The following CDH12 variants were observed in gnomAD, a reference collection of about 807,000 sequenced individuals.
The protein encoded by CDH12 is cadherin-12.
A neutral mutation model predicts 74.1 loss-of-function variants in CDH12; 41 were observed. The observed-to-expected ratio is 0.55, with a 90% CI of 0.43 to 0.72. The LOEUF is 0.72. Among genes scored for constraint, CDH12 ranks in the 30% least tolerant of loss-of-function variants. The pLI is 0.00. For missense variants in CDH12, 945 were observed against 977.2 expected, an observed-to-expected ratio of 0.97 and a Z score of 0.44; for synonymous variants, 399 against 355.0, an observed-to-expected ratio of 1.12 and a Z score of -1.39.
chr5:22,595,107 G>T (rs1736538552), intron 1 of CDH12, among the ~76,000 whole-genome samples: 2 of 151,958 alleles, frequency 1.3e-5, no homozygotes, highest in South Asian at 4.2e-4. Context: ...TACAAAAAAA[G>T]ACATAAAATG....
Position 21,751,540 on chromosome 5 carries a change from C to A in CDH12, c.*197G>T. On this transcript the variant is annotated 3_prime_UTR_variant, in exon 15 of 15. Transcript: ENST00000382254. ...ATGTATCTCTTGTTGGCAGAATAAA[C>A]CAAAACTGACAATATGATTAATTTA... The A allele has an allele frequency of 1.7e-6, 1 of 572,414 alleles. No individual in the cohort carries two copies. Among genetic ancestry groups the A allele is most frequent in the Non-Finnish European group, 3.1e-6 (1 of 326,554 alleles). 35.5% of individuals were successfully genotyped at this position (572,414 alleles called of 1,614,324 possible). A position where few individuals can be genotyped will look rare whatever the true frequency, so the allele number is the denominator to read the frequency against.
chr5:22,659,645 T>G (rs1370998190), intron 1 of CDH12, among the ~76,000 whole-genome samples: 1 of 152,100 alleles, frequency 6.6e-6, no homozygotes. Flanking sequence ...TGCTAACATT[T>G]GAGTGCAATT....
intron 4 of CDH12, among the ~76,000 whole-genome samples, chr5:22,130,368 G>A (rs1462293050): frequency 4.6e-5 from 7 of 152,082 alleles, no homozygotes; most frequent in Non-Finnish European, 8.8e-5. Flanking sequence ...TTTCAGTAAG[G>A]GGGTGATGGA....
chr5:22,254,671 TA>T (rs1200449759), intron 3 of CDH12, among the ~76,000 whole-genome samples: 2 of 151,542 alleles, frequency 1.3e-5, no homozygotes, highest in Non-Finnish European at 3.0e-5. Flanking sequence ...AAATAAAAGT[TA>T]AAAAAAATCA....
At chr5:22,215,358 A>G (rs563759528) in intron 3 of CDH12, among the ~76,000 whole-genome samples, 1 of 152,270 alleles carries the variant, frequency 6.6e-6, no homozygotes, top group East Asian at 1.9e-4. Flanking sequence ...TCATTTTCAC[A>G]TCTTTAAAAA....
chr5:22,554,511 TG>T (rs1738713834), intron 1 of CDH12, among the ~76,000 whole-genome samples: 1 of 152,146 alleles, frequency 6.6e-6, no homozygotes. Context: ...AAAGAGAATA[TG>T]ACAAATATTC....
intron 1 of CDH12, among the ~76,000 whole-genome samples, chr5:22,562,905 T>C (rs1222097053): frequency 6.7e-6 from 1 of 148,184 alleles, no homozygotes; most frequent in Non-Finnish European, 1.5e-5. Context: ...AATATAGAAA[T>C]ATATGCACAT....
At chr5:22,487,998 G>A (rs1746681510) in intron 2 of CDH12, among the ~76,000 whole-genome samples, 2 of 152,104 alleles carry the variant, frequency 1.3e-5, no homozygotes, top group Non-Finnish European at 2.9e-5. Context: ...TTGATACCAC[G>A]TCCATCACAG....
At chr5:22,715,799 TA>T (rs112471843) in intron 1 of CDH12, among the ~76,000 whole-genome samples, 1,305 of 120,930 alleles carry the variant, frequency 0.011, 12 homozygotes, top group Non-Finnish European at 0.016. Flanking sequence ...AGATCCCATC[TA>T]AAAAAAAAAA....
chr5:22,309,784 G>T (rs919348682), intron 3 of CDH12, among the ~76,000 whole-genome samples: 4 of 151,828 alleles, frequency 2.6e-5, no homozygotes, highest in African/African-American at 9.7e-5. Flanking sequence ...GTTTCCTGAG[G>T]TCCAAAAAGT....
At chr5:22,208,661 T>C (rs1180448115) in intron 4 of CDH12, among the ~76,000 whole-genome samples, 1 of 152,200 alleles carries the variant, frequency 6.6e-6, no homozygotes, top group Non-Finnish European at 1.5e-5. Flanking sequence ...GAAGGCCACA[T>C]GGTGGTCATT....
chr5:21,982,136 C>T (rs1341115169), intron 5 of CDH12, among the ~76,000 whole-genome samples: 7 of 152,122 alleles, frequency 4.6e-5, no homozygotes, highest in Non-Finnish European at 7.3e-5. Flanking sequence ...AAATAGATTG[C>T]CTTCCCTAAT....
At chr5:22,420,243 TTGCCCA>T (rs1743581341) in intron 2 of CDH12, among the ~76,000 whole-genome samples, 1 of 152,212 alleles carries the variant, frequency 6.6e-6, no homozygotes, top group African/African-American at 2.4e-5. Flanking sequence ...CATGAAATCT[TTGCCCA>T]TGTCTATGTC....
intron 3 of CDH12, among the ~76,000 whole-genome samples, chr5:22,221,747 T>A (rs1265484074): frequency 1.3e-5 from 2 of 152,068 alleles, no homozygotes; most frequent in South Asian, 2.1e-4. Flanking sequence ...TCTAAAGATA[T>A]ATTATTTATT....
intron 2 of CDH12, among the ~76,000 whole-genome samples, chr5:22,468,281 A>C (rs1745815641): frequency 1.3e-5 from 2 of 152,230 alleles, no homozygotes; most frequent in Non-Finnish European, 2.9e-5. Flanking sequence ...CACTCAATAC[A>C]TACATGACTC....
At chr5:21,833,214 AT>A (rs1749249074) in intron 8 of CDH12, among the ~76,000 whole-genome samples, 1 of 42,116 alleles carries the variant, frequency 2.4e-5, no homozygotes, top group Non-Finnish European at 3.3e-5. Context: ...ATTATAATAT[AT>A]ATTATATGTT....
intron 1 of CDH12, among the ~76,000 whole-genome samples, chr5:22,624,438 C>T (rs1738161318): frequency 6.6e-6 from 1 of 152,040 alleles, no homozygotes; most frequent in Non-Finnish European, 1.5e-5. Flanking sequence ...CCAGAATCTA[C>T]AAAGAACTCA....
At chr5:22,580,075 C>A in intron 1 of CDH12, 1 of 211,488 alleles carries the variant, frequency 4.7e-6, no homozygotes, top group Non-Finnish European at 9.6e-6. Flanking sequence ...CTGCAGAAAC[C>A]ATGTAGCTTC....
At chr5:21,892,953 C>T (rs1464167204) in intron 6 of CDH12, among the ~76,000 whole-genome samples, 1 of 152,132 alleles carries the variant, frequency 6.6e-6, no homozygotes, top group Non-Finnish European at 1.5e-5. Flanking sequence ...AACCAAACAA[C>T]CAGCAAAGCT....
Sources: allele counts gnomAD v4.1 joint callset (sites outside exome capture counted in the v4.1 genomes callset), GRCh38; gene constraint gnomAD v4.1.1; transcripts MANE v1.5; gene names NCBI Gene and HGNC (gene_info 2026-07-23, HGNC 2026-07-21).